The following RABGAP1L variants were observed in gnomAD, a reference collection of about 807,000 sequenced individuals.
The protein encoded by RABGAP1L is rab GTPase-activating protein 1-like.
In RABGAP1L, 63 loss-of-function variants were observed where a neutral mutation model predicts 137.7. That is an observed-to-expected ratio of 0.46 (90% CI 0.37 to 0.56). The LOEUF is 0.56. RABGAP1L is among the 20% of genes least tolerant of loss of function. The pLI is 0.00. For missense variants in RABGAP1L, 1,095 were observed against 1,244.0 expected, an observed-to-expected ratio of 0.88 and a Z score of 1.80; for synonymous variants, 431 against 433.7, an observed-to-expected ratio of 0.99 and a Z score of 0.08.
intron 10 of RABGAP1L, among the ~76,000 whole-genome samples, chr1:174,285,586 T>C (rs1406873751): frequency 6.6e-6 from 1 of 151,366 alleles, no homozygotes; most frequent in Non-Finnish European, 1.5e-5. Flanking sequence ...CTACAAACAA[T>C]TTAACTTTTT....
At chr1:174,701,986 A>AC in intron 16 of RABGAP1L, 127 bp from the exon 17 acceptor site, 1 of 776,930 alleles carries the variant, frequency 1.3e-6, no homozygotes, top group Middle Eastern at 2.4e-4. Context: ...GTTATACAAG[A>AC]CAACCAATAC....
intron 18 of RABGAP1L, among the ~76,000 whole-genome samples, chr1:174,775,628 A>G (rs1264081944): frequency 1.3e-5 from 2 of 152,064 alleles, no homozygotes; most frequent in Non-Finnish European, 1.5e-5. Flanking sequence ...AAAACTTTTT[A>G]AGAAAACAAT....
At chr1:174,404,240 C>A (rs1001881997) in intron 13 of RABGAP1L, among the ~76,000 whole-genome samples, 8 of 152,142 alleles carry the variant, frequency 5.3e-5, no homozygotes, top group Non-Finnish European at 1.5e-5. Flanking sequence ...CCAGGGAAGA[C>A]TTCACAGAGG....
At chr1:174,199,706 A>G (rs1371489541) in intron 1 of RABGAP1L, among the ~76,000 whole-genome samples, 1 of 152,168 alleles carries the variant, frequency 6.6e-6, no homozygotes, top group Non-Finnish European at 1.5e-5. Context: ...AATATCTCTA[A>G]CGGTCTTTTG....
intron 13 of RABGAP1L, among the ~76,000 whole-genome samples, chr1:174,419,175 A>G (rs10912783): frequency 0.12 from 18,604 of 152,208 alleles, 3,834 homozygotes; most frequent in African/African-American, 0.42. Flanking sequence ...TTTTAATTTT[A>G]CTGCTGCCTG....
intron 19 of RABGAP1L, among the ~76,000 whole-genome samples, chr1:174,823,870 G>C (rs146014483): frequency 1.3e-4 from 20 of 152,160 alleles, no homozygotes; most frequent in Non-Finnish European, 2.6e-4. Context: ...AATTGGCTGG[G>C]TAAGTGGCTC....
At chr1:174,195,769 C>CCTT (rs1558021985) in intron 1 of RABGAP1L, among the ~76,000 whole-genome samples, 1 of 104,608 alleles carries the variant, frequency 9.6e-6, no homozygotes. Flanking sequence ...CTCTCTTTCT[C>CCTT]TCTTTCCTTT....
At chr1:174,229,429 A>G (rs1571658583) in intron 3 of RABGAP1L, among the ~76,000 whole-genome samples, 1 of 152,102 alleles carries the variant, frequency 6.6e-6, no homozygotes, top group Non-Finnish European at 1.5e-5. Flanking sequence ...GTCTCAATCC[A>G]TAGAGGTTTA....
At chr1:174,625,250 A>G (rs189780988) in intron 13 of RABGAP1L, among the ~76,000 whole-genome samples, 1 of 152,288 alleles carries the variant, frequency 6.6e-6, no homozygotes, top group Non-Finnish European at 1.5e-5. Flanking sequence ...CTACTACCAG[A>G]TTATAGGCTC....
intron 10 of RABGAP1L, among the ~76,000 whole-genome samples, chr1:174,298,229 C>A (rs1677311336): frequency 1.3e-5 from 2 of 151,420 alleles, no homozygotes; most frequent in Admixed American, 6.6e-5. Context: ...CGTCCTCTTT[C>A]CGTCTTCTGT....
chr1:174,546,582 T>C (rs1666026053), intron 13 of RABGAP1L, among the ~76,000 whole-genome samples: 1 of 152,242 alleles, frequency 6.6e-6, no homozygotes, highest in Non-Finnish European at 1.5e-5. Flanking sequence ...GGAACTTTTC[T>C]CTGAATCCTT....
At chr1:174,964,327 A>G (rs559161564) in intron 20 of RABGAP1L, among the ~76,000 whole-genome samples, 1 of 152,198 alleles carries the variant, frequency 6.6e-6, no homozygotes, top group African/African-American at 2.4e-5. Flanking sequence ...ATATTGAGCT[A>G]GGGTTTATAA....
intron 19 of RABGAP1L, chr1:174,875,838 C>A: frequency 2.4e-6 from 1 of 415,560 alleles, no homozygotes; most frequent in Non-Finnish European, 3.2e-6. Flanking sequence ...GCTTAACAGA[C>A]AAAGCAGCAC....
intron 14 of RABGAP1L, among the ~76,000 whole-genome samples, chr1:174,653,085 T>C (rs933525611): frequency 2.0e-5 from 3 of 152,182 alleles, no homozygotes; most frequent in African/African-American, 7.2e-5. Context: ...CCCAGAGGCT[T>C]TGTTTACACT....
In RABGAP1L at chr1:174,622,867, G is replaced by A. The variant is rs116762775; in HGVS notation, c.1711-14508G>A. 3.8e-3 allele frequency among the ~76,000 whole-genome samples: 576 copies of A among 152,192 alleles called. 5 individuals are homozygous for A. Among genetic ancestry groups the A allele is most frequent in the African/African-American group, 0.012 (487 of 41,538 alleles). ...CTTAAAGTATATTTTAAAAAATACC[G>A]AAATTTTTGTAGGTATGTAGTTATT... is the stretch of plus-strand genomic sequence containing the variant. On this transcript the variant is annotated intron_variant, in intron 13 of 25. Coordinates refer to ENST00000681986, the MANE Select transcript of RABGAP1L (RefSeq NM_001366446.1).
chr1:174,988,075 C>CT (rs2149398397), intron 24 of RABGAP1L, among the ~76,000 whole-genome samples: 1 of 152,334 alleles, frequency 6.6e-6, no homozygotes, highest in East Asian at 1.9e-4. Context: ...TCCCAAAGTG[C>CT]TGGGATTACA....
Position 174,761,498 on chromosome 1 carries a change from G to A in RABGAP1L, c.2211+9144G>A, listed in dbSNP as rs770120078. Among the ~76,000 whole-genome samples, 2 of 151,716 alleles carry A rather than the reference G, an allele frequency of 1.3e-5. No individual in the cohort carries two copies. The highest frequency in any genetic ancestry group is 2.9e-5 in the Non-Finnish European group (2 of 67,930). ...TCACTTCCCAGACAATGCAGGGGCCGGGGAGAGGCGCTGCTCACTTCCCAG... is the reference window on the plus strand; with the variant it reads ...TCACTTCCCAGACAATGCAGGGGCCAGGGAGAGGCGCTGCTCACTTCCCAG... On this transcript the variant is annotated intron_variant, in intron 18 of 25. Transcript: ENST00000681986. This position sits in a 1 kb window ranked among gnomAD's most constrained non-coding sequence, Gnocchi z 4.0.
In RABGAP1L at chr1:174,634,956, C is replaced by T. The variant is rs1228810368; in HGVS notation, c.1711-2419C>T. Among the ~76,000 whole-genome samples, 124 of 147,002 alleles carry T rather than the reference C, an allele frequency of 8.4e-4. 1 individual carries two copies. The highest frequency in any genetic ancestry group is 2.6e-3 in the African/African-American group (104 of 39,536). On this transcript the variant is annotated intron_variant, in intron 13 of 25. Transcript: ENST00000681986. ...CTAGATGACGAGTTAGTGGGTGCAG[C>T]GCACCAGCATGGCACATGTATACAT... is the stretch of plus-strand genomic sequence containing the variant.
intron 1 of RABGAP1L, among the ~76,000 whole-genome samples, chr1:174,187,194 G>C (rs1251722874): frequency 6.6e-6 from 1 of 151,868 alleles, no homozygotes; most frequent in East Asian, 1.9e-4. Flanking sequence ...TAATATTCCA[G>C]TATAAAGTAG....
Sources: gnomAD v4.1 joint callset for allele counts (sites outside exome capture counted in the v4.1 genomes callset) on GRCh38, gnomAD v4.1.1 for gene constraint, Gnocchi (gnomAD v3.1) non-coding constraint, MANE v1.5 for transcripts, NCBI Gene and HGNC (gene_info 2026-07-23, HGNC 2026-07-21) for gene names.